CALR3: variants seen among roughly 807,000 people sequenced by gnomAD.
CALR3 encodes calreticulin 3.
Under a neutral mutation model 48.7 loss-of-function variants are expected in CALR3, and 39 were observed. The ratio of observed to expected loss-of-function variants is 0.80; its 90% CI spans 0.62 to 1.05. The LOEUF is 1.05. Ranked by LOEUF, CALR3 falls within the 50% of genes least tolerant of loss-of-function variation. The pLI is 0.00. For synonymous variants in CALR3, 185 were observed against 172.7 expected (o/e 1.07, Z -0.56); for missense variants, 449 against 474.7 (o/e 0.95, Z 0.50).
In CALR3 at chr19:16,496,056, T is replaced by C. The variant is rs1017470380; in HGVS notation, c.74A>G (p.Glu25Gly). 3.1e-6 allele frequency: 5 copies of C among 1,601,370 alleles called. No homozygotes were observed. In the Admixed American group the frequency reaches 5.2e-5, roughly 16 times the overall value. Reference sequence around the variant, plus strand: ...CCCTTCACCTCCGTCTAGAAATTCCTCTTGGAAATAGACGGTAGCCAGCGC... The same window carrying C: ...CCCTTCACCTCCGTCTAGAAATTCCCCTTGGAAATAGACGGTAGCCAGCGC... ...RVALATVYFQ[E>G]EFLDGEHWRN... Residue 25 changes from glutamate to glycine, a missense_variant, in exon 1 of 9, where the codon GAG becomes GGG. Physicochemically the swap from Glu to Gly is moderately conservative, Grantham distance 98. Coordinates refer to ENST00000269881, the MANE Select transcript of CALR3 (RefSeq NM_145046.5).
intron 7 of CALR3, among the ~76,000 whole-genome samples, chr19:16,481,645 C>T (rs1228463644): frequency 2.6e-5 from 4 of 151,748 alleles, no homozygotes; most frequent in East Asian, 1.9e-4. Context: ...ACTACAAGCA[C>T]GCACCACCAC....
Position 16,480,652 on chromosome 19 carries a change from C to T in CALR3, c.973G>A (p.Ala325Thr), listed in dbSNP as rs1398000694. The T allele has an allele frequency of 2.1e-5, 34 of 1,613,820 alleles. No individual in the cohort carries two copies. The highest frequency in any genetic ancestry group is 1.6e-4 in the Middle Eastern group (1 of 6,082). ...CAGGTGGCCTTGCCAAAATTATCTG[C>T]GTACTCTTCATCATCTGTGATCAGA... ...NFLITDDEEY[A>T]DNFGKATWGE... Residue 325 changes from alanine to threonine, a missense_variant, in exon 8 of 9, where the codon GCA (alanine) becomes ACA (threonine). Physicochemically the swap from Ala to Thr is moderately conservative, Grantham distance 58 (BLOSUM62 0). Coordinates refer to ENST00000269881, the MANE Select transcript of CALR3 (RefSeq NM_145046.5).
Position 16,482,586 on chromosome 19 carries a change from A to G in CALR3, c.787-5T>C, listed in dbSNP as rs1214234925. On this transcript the variant is annotated splice_region_variant and splice_polypyrimidine_tract_variant and intron_variant, in intron 6 of 8. Coordinates refer to ENST00000269881, the MANE Select transcript of CALR3 (RefSeq NM_145046.5). Reference sequence around the variant, plus strand: ...ACCTTCTGGTTTCAGGCCATCCTGTATCAAAAAAACCATATGGGGTGGTCT... The same window carrying G: ...ACCTTCTGGTTTCAGGCCATCCTGTGTCAAAAAAACCATATGGGGTGGTCT... The G allele has an allele frequency of 1.2e-6, 2 of 1,614,028 alleles. No individual in the cohort carries two copies. Among genetic ancestry groups the G allele is most frequent in the South Asian group, 1.1e-5 (1 of 91,092 alleles).
chr19:16,496,013 C>T (rs749265419), intron 1 of CALR3, 26 bp downstream of exon 1: 4 of 1,577,306 alleles, frequency 2.5e-6, no homozygotes, highest in African/African-American at 2.7e-5. Context: ...CTTACACCTC[C>T]GCCACCACGG....
chr19:16,483,947 T>G lies in CALR3; in HGVS notation c.661A>C (p.Lys221Gln). ...PAESKDWEQT[K>Q]DNKAQDWEKH... ...ATTCACACCTGGGCTTTGTTGTCTT[T>G]AGTCTGTTCCCAATCCTTCGATTCT... Residue 221 changes from lysine to glutamine, a missense_variant, in exon 5 of 9, where the codon AAA becomes CAA. By Grantham distance (53) the Lys-to-Gln change is moderately conservative (BLOSUM62 1). Transcript: ENST00000269881. 1 of 1,614,052 alleles carries G rather than the reference T, an allele frequency of 6.2e-7. No homozygotes were observed. Among genetic ancestry groups the G allele is most frequent in the Non-Finnish European group, 8.5e-7 (1 of 1,180,022 alleles).
At chr19:16,480,779 T>G (rs2093379552) in intron 7 of CALR3, 73 bp from the exon 8 acceptor site, 3 of 1,173,484 alleles carry the variant, frequency 2.6e-6, no homozygotes, top group African/African-American at 3.1e-5. Context: ...ATTTCTTTTT[T>G]CCTTTGGAAA....
chr19:16,492,457 G>A (rs909274258), intron 2 of CALR3, among the ~76,000 whole-genome samples: 4 of 151,852 alleles, frequency 2.6e-5, no homozygotes, highest in Non-Finnish European at 5.9e-5. Context: ...TAAGCCAGAC[G>A]CAGTGGCTCA....
In CALR3 at chr19:16,483,795, T is replaced by C. The variant is rs2093384551; in HGVS notation, c.678+135A>G. 125 of 768,678 alleles carry C rather than the reference T, an allele frequency of 1.6e-4. No homozygotes were observed. In the South Asian group the frequency reaches 1.8e-3, roughly 11 times the overall value. 47.6% of individuals were successfully genotyped at this position (768,678 alleles called of 1,614,324 possible). A position where few individuals can be genotyped will look rare whatever the true frequency, so the allele number is the denominator to read the frequency against. ...GTGTAGAGATGTGGCTGGTCTGCAG[T>C]GTGTGCTCTGGGGAGGGCATTTGGT... On this transcript the variant is annotated intron_variant, in intron 5 of 8. Coordinates refer to ENST00000269881, the MANE Select transcript of CALR3 (RefSeq NM_145046.5).
intron 2 of CALR3, among the ~76,000 whole-genome samples, chr19:16,491,492 T>C (rs1465170420): frequency 6.8e-6 from 1 of 148,124 alleles, no homozygotes; most frequent in South Asian, 2.3e-4. Flanking sequence ...TATAAATGAA[T>C]GGACTGCCAG....
chr19:16,494,652 C>T (rs899888279), intron 2 of CALR3, among the ~76,000 whole-genome samples: 1 of 151,744 alleles, frequency 6.6e-6, no homozygotes, highest in Non-Finnish European at 1.5e-5. Context: ...TGAGCCACCG[C>T]GCCTGGCCTA....
In CALR3 at chr19:16,491,409, A is replaced by G. The variant is rs939063648; in HGVS notation, c.194-839T>C. 1.3e-4 allele frequency among the ~76,000 whole-genome samples: 20 copies of G among 148,612 alleles called. 1 individual carries two copies. The highest frequency in any genetic ancestry group is 6.7e-5 in the Admixed American group (1 of 14,946). On this transcript the variant is annotated intron_variant, in intron 2 of 8. Coordinates refer to ENST00000269881, the MANE Select transcript of CALR3 (RefSeq NM_145046.5). ...AGTGCTGGGATTACAGGCGTGAGCC[A>G]CCGTGCCCGACTGGTCCCTTTCCTA...
intron 3 of CALR3, among the ~76,000 whole-genome samples, chr19:16,486,260 G>A (rs1481405080): frequency 6.6e-6 from 1 of 151,756 alleles, no homozygotes; most frequent in Non-Finnish European, 1.5e-5. Flanking sequence ...AGGTTGCAGT[G>A]AGCTGAGATC....
chr19:16,489,810 C>T (rs1312553999), intron 3 of CALR3, among the ~76,000 whole-genome samples: 6 of 149,196 alleles, frequency 4.0e-5, no homozygotes, highest in East Asian at 3.9e-4. Context: ...AGTGAAAACT[C>T]GGGCTCGAAA....
intron 3 of CALR3, among the ~76,000 whole-genome samples, chr19:16,489,555 G>T (rs1328288160): frequency 6.6e-6 from 1 of 151,700 alleles, no homozygotes; most frequent in Non-Finnish European, 1.5e-5. Context: ...GGAGGAGGAG[G>T]TTGCAGTGAG....
intron 4 of CALR3, 108 bp from the exon 5 acceptor site, chr19:16,484,223 G>T: frequency 9.2e-7 from 1 of 1,089,882 alleles, no homozygotes; most frequent in Non-Finnish European, 1.3e-6. Context: ...TGTCGCCCAG[G>T]TTGGAGCGCT....
At chr19:16,495,639 G>A (rs1003097489) in intron 2 of CALR3, 112 bp downstream of exon 2, 46 of 761,716 alleles carry the variant, frequency 6.0e-5, no homozygotes, top group Non-Finnish European at 9.7e-5. Context: ...TTGCCTTAAT[G>A]TCTTCATCTG....
chr19:16,480,247 C>T (rs2093378535), intron 8 of CALR3, among the ~76,000 whole-genome samples: 1 of 147,946 alleles, frequency 6.8e-6, no homozygotes, highest in Non-Finnish European at 1.5e-5. Context: ...TCCCTGGAAC[C>T]TGCCAATATT....
chr19:16,494,804 C>A (rs919178887), intron 2 of CALR3, among the ~76,000 whole-genome samples: 1 of 152,196 alleles, frequency 6.6e-6, no homozygotes, highest in Non-Finnish European at 1.5e-5. Context: ...ACTAATAACA[C>A]ATTCATATAA....
rs1267582567 is a variant in CALR3 at position 16,485,302 on chromosome 19, C to T, written c.398-45G>A. On this transcript the variant is annotated intron_variant, in intron 3 of 8. Coordinates refer to ENST00000269881, the MANE Select transcript of CALR3 (RefSeq NM_145046.5). The stretch of plus-strand genomic sequence containing the variant: ...CTCTCAATTTCTTTCCATAATGCAT[C>T]ACCGTAGAATAACCAACCCACAACC... 6.4e-6 allele frequency: 8 copies of T among 1,252,104 alleles called. No homozygotes were observed. In the African/African-American group the frequency reaches 1.0e-4, roughly 16 times the overall value. The allele number at this position is 1,252,104 out of a possible 1,614,324, so 77.6% of individuals were successfully genotyped here.
Sources: allele counts gnomAD v4.1 joint callset (sites outside exome capture counted in the v4.1 genomes callset), GRCh38; gene constraint gnomAD v4.1.1; transcripts MANE v1.5; gene names NCBI Gene and HGNC (gene_info 2026-07-23, HGNC 2026-07-21).